Variants in EFCAB5 observed in about 807,000 individuals in gnomAD.
The protein encoded by EFCAB5 is EF-hand calcium binding domain 5.
EFCAB5 carries 131 observed loss-of-function variants against 167.9 expected under a neutral mutation model. The ratio of observed to expected loss-of-function variants is 0.78; its 90% confidence interval spans 0.68 to 0.90. The LOEUF is 0.90. EFCAB5 is among the 40% of genes least tolerant of loss of function. EFCAB5 has a pLI of 0.00. For missense variants in EFCAB5, 1,663 were observed against 1,745.2 expected (o/e 0.95, Z 0.84); for synonymous variants, 574 against 602.8 (o/e 0.95, Z 0.70).
intron 4 of EFCAB5, among the ~76,000 whole-genome samples, chr17:29,984,505 G>A (rs1334402866): frequency 6.6e-6 from 1 of 152,026 alleles, no homozygotes; most frequent in Non-Finnish European, 1.5e-5. Context: ...GGATCACGAG[G>A]TCAGGAGATT....
chr17:30,059,700 A>T lies in EFCAB5; in HGVS notation c.2736A>T (p.Lys912Asn). 6.3e-7 allele frequency: 1 copy of T among 1,593,318 alleles called. No individual in the cohort carries two copies. Among genetic ancestry groups the T allele is most frequent in the Non-Finnish European group, 8.6e-7 (1 of 1,168,950 alleles). Reference protein sequence around the residue: ...KEGMEKESMKKAKLHIQFPKP... With the variant: ...KEGMEKESMKNAKLHIQFPKP... ...GAATGGAAAAAGAATCTATGAAGAA[A>T]GGTAAAATATAAGAATGTTCTTATT... The change falls in exon 14 of 23, where the codon AAA becomes AAT. Residue 912 changes from lysine (K) to asparagine (N), a missense_variant and splice_region_variant. Lys to Asn is a moderately conservative substitution (Grantham distance 94). Transcript: ENST00000394835.
At chr17:29,943,769 T>C in intron 3 of EFCAB5, 120 bp downstream of exon 3, 1 of 696,926 alleles carries the variant, frequency 1.4e-6, no homozygotes. Context: ...AGGTCAGGAG[T>C]TCGAAACCAG....
chr17:30,019,709 G>A (rs1489903550), intron 7 of EFCAB5, among the ~76,000 whole-genome samples: 1 of 152,074 alleles, frequency 6.6e-6, no homozygotes, highest in African/African-American at 2.4e-5. Flanking sequence ...GCCTCCCAAA[G>A]TGCTAGGATT....
intron 4 of EFCAB5, among the ~76,000 whole-genome samples, chr17:29,985,149 C>T (rs1013641690): frequency 6.6e-6 from 1 of 152,180 alleles, no homozygotes; most frequent in African/African-American, 2.4e-5. Flanking sequence ...GAGTGATGCA[C>T]ATAGGTACAA....
In EFCAB5 at chr17:29,969,042, G is replaced by A; in HGVS notation, c.442G>A (p.Glu148Lys). Residue 148 changes from glutamate to lysine, a missense_variant, in exon 4 of 23, where the codon GAA becomes AAA. Transcript: ENST00000394835. ...GAAGAAGGAACTAGAAAAAAAGGCTGAAAAAAAACTCCCTAGGGATAATTT... is the reference window on the plus strand; with the variant it reads ...GAAGAAGGAACTAGAAAAAAAGGCTAAAAAAAAACTCCCTAGGGATAATTT... Reference protein sequence around the residue: ...NLKKELEKKAEKKLPRDNLAK... With the variant: ...NLKKELEKKAKKKLPRDNLAK... 6.3e-7 allele frequency: 1 copy of A among 1,597,256 alleles called. No individual in the cohort carries two copies. Among genetic ancestry groups the A allele is most frequent in the South Asian group, 1.1e-5 (1 of 87,010 alleles).
chr17:30,103,654 T>G (rs1221845965), intron 22 of EFCAB5, among the ~76,000 whole-genome samples: 1 of 152,188 alleles, frequency 6.6e-6, no homozygotes, highest in Non-Finnish European at 1.5e-5. Flanking sequence ...AAATTAACAA[T>G]GACATATTAA....
chr17:29,934,324 G>A (rs1247317193), intron 1 of EFCAB5, among the ~76,000 whole-genome samples: 2 of 152,134 alleles, frequency 1.3e-5, no homozygotes, highest in African/African-American at 4.8e-5. Flanking sequence ...CATTATCACA[G>A]GGTATTTCCT....
intron 4 of EFCAB5, among the ~76,000 whole-genome samples, chr17:29,980,681 C>T (rs1265550021): frequency 6.6e-6 from 1 of 152,170 alleles, no homozygotes; most frequent in Non-Finnish European, 1.5e-5. Context: ...GTTCTTTAAC[C>T]TGTCACTCTA....
At chr17:29,952,742 C>T (rs2067537180) in intron 3 of EFCAB5, among the ~76,000 whole-genome samples, 1 of 152,032 alleles carries the variant, frequency 6.6e-6, no homozygotes. Flanking sequence ...AAATGATAAA[C>T]ATGAAATTCA....
At chr17:29,934,332 C>T (rs2067227711) in intron 1 of EFCAB5, among the ~76,000 whole-genome samples, 1 of 152,138 alleles carries the variant, frequency 6.6e-6, no homozygotes, top group Admixed American at 6.5e-5. Context: ...CAGGGTATTT[C>T]CTCGTTACAT....
intron 22 of EFCAB5, among the ~76,000 whole-genome samples, chr17:30,096,577 A>G (rs1248684778): frequency 6.6e-6 from 1 of 150,460 alleles, no homozygotes; most frequent in African/African-American, 2.5e-5. Flanking sequence ...GTTTAATAAG[A>G]ACATTTTTCT....
At chr17:29,997,659 G>T (rs2068575610) in intron 6 of EFCAB5, among the ~76,000 whole-genome samples, 1 of 152,002 alleles carries the variant, frequency 6.6e-6, no homozygotes, top group African/African-American at 2.4e-5. Context: ...ATTATATTCT[G>T]CATTTATATG....
intron 7 of EFCAB5, among the ~76,000 whole-genome samples, chr17:30,018,672 C>T (rs542991826): frequency 1.4e-4 from 21 of 152,182 alleles, no homozygotes; most frequent in Admixed American, 2.6e-4. Flanking sequence ...ATGATGCTTG[C>T]GCTTTTAAAT....
intron 5 of EFCAB5, among the ~76,000 whole-genome samples, chr17:29,995,477 T>C (rs2068525120): frequency 6.6e-6 from 1 of 152,232 alleles, no homozygotes; most frequent in Admixed American, 6.5e-5. Flanking sequence ...GTCTTCAGGA[T>C]CATACTGGTA....
At chr17:30,038,432 T>C in intron 8 of EFCAB5, among the ~76,000 whole-genome samples, 1 of 152,212 alleles carries the variant, frequency 6.6e-6, no homozygotes, top group Non-Finnish European at 1.5e-5. Flanking sequence ...AAAAAAAGAT[T>C]CCTTTCAAAA....
chr17:30,063,458 G>A (rs1487411732), intron 14 of EFCAB5, among the ~76,000 whole-genome samples: 1 of 152,164 alleles, frequency 6.6e-6, no homozygotes, highest in Non-Finnish European at 1.5e-5. Flanking sequence ...TCTCTCTGGA[G>A]TCAGGCCAGT....
intron 22 of EFCAB5, among the ~76,000 whole-genome samples, chr17:30,098,433 G>A (rs1270482192): frequency 2.0e-5 from 3 of 151,404 alleles, no homozygotes; most frequent in Admixed American, 1.3e-4. Context: ...CAGGAGAGCT[G>A]AGGTGGGAGG....
rs2067545787 is a variant in EFCAB5, at chr17:29,953,102, CCT to C, written c.190+9454_190+9455del. Among the ~76,000 whole-genome samples, 3 of 152,050 alleles carry C rather than the reference CCT, an allele frequency of 2.0e-5. No homozygotes were observed. The South Asian group carries it at 6.2e-4, about 31-fold the overall frequency. On this transcript the variant is annotated intron_variant, in intron 3 of 22. Transcript: ENST00000394835. ...TAGGAAGAAAGGAAGTCAAACTATC[CCT>C]GTTTGCACACTACATGATCCTATAT...
chr17:30,087,248 C>T lies in EFCAB5; in HGVS notation c.3683+82C>T, dbSNP rs560266640. On this transcript the variant is annotated intron_variant, in intron 19 of 22. Transcript: ENST00000394835. Reference sequence around the variant, plus strand: ...TAGACCTGAAAGACACAGCTTCTGACTCTTGCTCATACACGCTGACTTTTA... The same window carrying T: ...TAGACCTGAAAGACACAGCTTCTGATTCTTGCTCATACACGCTGACTTTTA... 8.0e-6 allele frequency: 9 copies of T among 1,126,458 alleles called. No individual in the cohort carries two copies. The African/African-American group carries it at 1.2e-4, about 16-fold the overall frequency. The allele number at this position is 1,126,458 out of a possible 1,614,324, so 69.8% of individuals were successfully genotyped here. A position where few individuals can be genotyped will look rare whatever the true frequency, so the allele number is the denominator to read the frequency against.
Sources: allele counts gnomAD v4.1 joint callset (sites outside exome capture counted in the v4.1 genomes callset), GRCh38; gene constraint gnomAD v4.1.1; transcripts MANE v1.5; gene names NCBI Gene and HGNC (gene_info 2026-07-23, HGNC 2026-07-21).